Variants in SBSPON observed in about 807,000 individuals in gnomAD.
The protein encoded by SBSPON is somatomedin B and thrombospondin type 1 domain containing.
A neutral mutation model predicts 35.8 loss-of-function variants in SBSPON; 30 were observed. The ratio of observed to expected loss-of-function variants is 0.84; its 90% CI spans 0.63 to 1.14. The LOEUF is 1.14. SBSPON is among the 50% of genes most tolerant of loss of function. The probability of loss-of-function intolerance (pLI) is 0.00; values close to 1 mark genes in which losing one functional copy is unlikely to be tolerated. For synonymous variants in SBSPON, 136 were observed against 135.9 expected (o/e 1.00, Z 0.00); for missense variants, 364 against 357.7 (o/e 1.02, Z -0.14).
intron 1 of SBSPON, among the ~76,000 whole-genome samples, chr8:73,088,546 C>T (rs768809452): frequency 4.2e-4 from 64 of 152,114 alleles, no homozygotes; most frequent in Non-Finnish European, 4.4e-4. Context: ...TGGCAGCACA[C>T]GTCTGCAGTC....
rs748443297 is a variant in SBSPON at position 73,081,098 on chromosome 8, C to A, written c.330G>T (p.Ala110=). The A allele has an allele frequency of 1.9e-6, 3 of 1,612,996 alleles. No homozygotes were observed. Among genetic ancestry groups the A allele is most frequent in the Non-Finnish European group, 2.5e-6 (3 of 1,179,494 alleles). Residue 110 remains alanine, a synonymous_variant, in exon 2 of 5, where the codon GCG becomes GCT. Coordinates refer to ENST00000297354, the MANE Select transcript of SBSPON (RefSeq NM_153225.4). ...SVQQEPQNGG[A]PCPPLEERAG... is the part of the protein sequence containing the mutation. The stretch of plus-strand genomic sequence containing the variant: ...CTCTCTCTTCCAGGGGTGGGCAGGG[C>A]GCCCCGCCGTTCTGAGGCTCCTGCT...
chr8:73,067,264 G>A lies in SBSPON; in HGVS notation c.*77C>T. 1.1e-6 allele frequency: 1 copy of A among 926,172 alleles called. No homozygotes were observed. Among genetic ancestry groups the A allele is most frequent in the Non-Finnish European group, 1.7e-6 (1 of 580,790 alleles). The allele number at this position is 926,172 out of a possible 1,614,324, so 57.4% of individuals were successfully genotyped here. A position where few individuals can be genotyped will look rare whatever the true frequency, so the allele number is the denominator to read the frequency against. On this transcript the variant is annotated 3_prime_UTR_variant, in exon 5 of 5. Coordinates refer to ENST00000297354, the MANE Select transcript of SBSPON (RefSeq NM_153225.4). Reference sequence around the variant, plus strand: ...TTTGGGGACTTTGGCCAAAATTGAAGGTTTAGGAAACATTGAACATGACTT... The same window carrying A: ...TTTGGGGACTTTGGCCAAAATTGAAAGTTTAGGAAACATTGAACATGACTT...
At chr8:73,073,455 A>T (rs1237937943) in intron 2 of SBSPON, among the ~76,000 whole-genome samples, 9 of 152,180 alleles carry the variant, frequency 5.9e-5, no homozygotes. Context: ...AAGATGACAA[A>T]CCTTAACTCT....
chr8:73,081,211 G>T lies in SBSPON; in HGVS notation c.217C>A (p.Arg73Ser), dbSNP rs1008859922. 9.6e-5 allele frequency: 152 copies of T among 1,575,524 alleles called. No individual in the cohort carries two copies. The highest frequency in any genetic ancestry group is 1.3e-4 in the Non-Finnish European group (149 of 1,159,216). The part of the protein sequence containing the change: ...CFDYDRACPA[R>S]PCFVGEWSPW... ...CTCCATTCCCCCACGAAGCACGGGC[G>T]AGCTGAAAAACAGCACAATAGGACG... is the stretch of plus-strand genomic sequence containing the variant. Residue 73 changes from arginine to serine, a missense_variant and splice_region_variant, in exon 2 of 5, where the codon CGC (arginine) becomes AGC (serine). Transcript: ENST00000297354.
chr8:73,079,854 G>A (rs1002061976), intron 2 of SBSPON, among the ~76,000 whole-genome samples: 4 of 152,084 alleles, frequency 2.6e-5, no homozygotes, highest in African/African-American at 7.2e-5. Flanking sequence ...ATCAACCATC[G>A]TGACCCCAGC....
intron 4 of SBSPON, 106 bp downstream of exon 4, chr8:73,069,699 G>C: frequency 1.1e-6 from 1 of 925,248 alleles, no homozygotes; most frequent in Non-Finnish European, 1.7e-6. Context: ...TGACTTCCCA[G>C]TCATCCCTTG....
rs759123509 is a variant in SBSPON at position 73,065,335 on chromosome 8, C to T, written c.*2006G>A. The T allele has an allele frequency of 4.6e-5, 7 of 152,118 alleles. No individual in the cohort carries two copies. Among genetic ancestry groups the T allele is most frequent in the Non-Finnish European group, 7.3e-5 (5 of 68,028 alleles). The allele number at this position is 152,118 out of a possible 1,614,324, so 9.4% of individuals were successfully genotyped here. On this transcript the variant is annotated 3_prime_UTR_variant, in exon 5 of 5. Transcript: ENST00000297354. ...CTATTAGTAGTTGTTGTACCTATAC[C>T]TATCAGTTCTGAAGGATTTTTTTGT...
rs1465838503 is a variant in SBSPON, at chr8:73,066,372, A to G, written c.*969T>C. On this transcript the variant is annotated 3_prime_UTR_variant, in exon 5 of 5. Transcript: ENST00000297354. ...CCTCTAGGTCATTGATTTTCCAATC[A>G]TAAAATAAGGAGACTAACATTTCCT... The G allele has an allele frequency of 2.6e-5, 4 of 152,176 alleles. No homozygotes were observed. Among genetic ancestry groups the G allele is most frequent in the Non-Finnish European group, 4.4e-5 (3 of 68,038 alleles). 9.4% of individuals were successfully genotyped at this position (152,176 alleles called of 1,614,324 possible). A position where few individuals can be genotyped will look rare whatever the true frequency, so the allele number is the denominator to read the frequency against.
intron 2 of SBSPON, among the ~76,000 whole-genome samples, chr8:73,072,921 A>G (rs1810525079): frequency 6.7e-6 from 1 of 150,064 alleles, no homozygotes; most frequent in South Asian, 2.1e-4. Flanking sequence ...AGAAAAAAAA[A>G]TGGCACCAAG....
At chr8:73,073,746 G>A (rs1364432247) in intron 2 of SBSPON, among the ~76,000 whole-genome samples, 1 of 149,562 alleles carries the variant, frequency 6.7e-6, no homozygotes, top group African/African-American at 2.5e-5. Context: ...GGGGGCTGCA[G>A]TGAGCCGAGA....
chr8:73,074,249 GGTAC>G (rs925948857), intron 2 of SBSPON, among the ~76,000 whole-genome samples: 6 of 152,056 alleles, frequency 3.9e-5, no homozygotes, highest in Non-Finnish European at 8.8e-5. Context: ...TCAAAGGCAA[GGTAC>G]TTAATGTATA....
chr8:73,084,743 TACACAGAC>T (rs1267251258), intron 1 of SBSPON, among the ~76,000 whole-genome samples: 3 of 105,360 alleles, frequency 2.8e-5, no homozygotes, highest in African/African-American at 7.1e-5. Flanking sequence ...CTAGCCCCAC[TACACAGAC>T]ACACACACAC....
At chr8:73,078,972 G>A (rs1810645347) in intron 2 of SBSPON, among the ~76,000 whole-genome samples, 2 of 152,044 alleles carry the variant, frequency 1.3e-5, no homozygotes, top group South Asian at 4.2e-4. Flanking sequence ...TTTGCCAATC[G>A]CATGCAGGCC....
At position 73,065,318 on chromosome 8, in the gene SBSPON, A is replaced by C. The variant is rs1006209200; in HGVS notation, c.*2023T>G. 1 of 152,172 alleles carries C rather than the reference A, an allele frequency of 6.6e-6. No individual in the cohort carries two copies. Among genetic ancestry groups the C allele is most frequent in the Non-Finnish European group, 1.5e-5 (1 of 68,032 alleles). The allele number at this position is 152,172 out of a possible 1,614,324, so 9.4% of individuals were successfully genotyped here. On this transcript the variant is annotated 3_prime_UTR_variant, in exon 5 of 5. Transcript: ENST00000297354. ...GCACCATTGCTTTATTGCTATTAGTAGTTGTTGTACCTATACCTATCAGTT... is the reference window on the plus strand; with the variant it reads ...GCACCATTGCTTTATTGCTATTAGTCGTTGTTGTACCTATACCTATCAGTT...
At chr8:73,075,899 T>C (rs1296654592) in intron 2 of SBSPON, among the ~76,000 whole-genome samples, 1 of 152,240 alleles carries the variant, frequency 6.6e-6, no homozygotes, top group African/African-American at 2.4e-5. Context: ...AATGTGGCTT[T>C]TTAAATTTGT....
At chr8:73,081,458 G>T (rs897764156) in intron 1 of SBSPON, among the ~76,000 whole-genome samples, 1 of 152,166 alleles carries the variant, frequency 6.6e-6, no homozygotes, top group Admixed American at 6.5e-5. Flanking sequence ...GATCCTAAAT[G>T]TGGGTCTGAT....
Position 73,070,005 on chromosome 8 carries a change from A to C in SBSPON, c.501-24T>G, listed in dbSNP as rs1241933346. The C allele has an allele frequency of 6.8e-7, 1 of 1,480,712 alleles. No homozygotes were observed. The highest frequency in any genetic ancestry group is 9.2e-7 in the Non-Finnish European group (1 of 1,091,450). The allele number at this position is 1,480,712 out of a possible 1,614,324, so 91.7% of individuals were successfully genotyped here. A position where few individuals can be genotyped will look rare whatever the true frequency, so the allele number is the denominator to read the frequency against. ...ATCTACAGCAAAAGAAGTAACAATGACACTTGCTGTAATGAGCAGTGGCCT... is the reference window on the plus strand; with the variant it reads ...ATCTACAGCAAAAGAAGTAACAATGCCACTTGCTGTAATGAGCAGTGGCCT... On this transcript the variant is annotated intron_variant, in intron 3 of 4. Transcript: ENST00000297354.
In SBSPON at chr8:73,067,235, T is replaced by C; in HGVS notation, c.*106A>G. 1.5e-6 allele frequency: 1 copy of C among 645,686 alleles called. No homozygotes were observed. The highest frequency in any genetic ancestry group is 2.8e-6 in the Non-Finnish European group (1 of 355,738). 40.0% of individuals were successfully genotyped at this position (645,686 alleles called of 1,614,324 possible). On this transcript the variant is annotated 3_prime_UTR_variant, in exon 5 of 5. Coordinates refer to ENST00000297354, the MANE Select transcript of SBSPON (RefSeq NM_153225.4). ...TCTCTACTTCAGAGTGTGGCAATGA[T>C]GTGTTTGGGGACTTTGGCCAAAATT...
intron 2 of SBSPON, among the ~76,000 whole-genome samples, chr8:73,073,808 AAAAAAC>A (rs1276925721): frequency 6.6e-6 from 1 of 152,074 alleles, no homozygotes; most frequent in Non-Finnish European, 1.5e-5. Flanking sequence ...TCTCAAAAAA[AAAAAAC>A]AAAAACAAAA....
Sources: gnomAD v4.1 joint callset for allele counts (sites outside exome capture counted in the v4.1 genomes callset) on GRCh38, gnomAD v4.1.1 for gene constraint, MANE v1.5 for transcripts, NCBI Gene and HGNC (gene_info 2026-07-23, HGNC 2026-07-21) for gene names.